The following LINGO2 variants were observed in gnomAD, a reference collection of about 807,000 sequenced individuals.
LINGO2 encodes leucine rich repeat and Ig domain containing 2.
LINGO2 carries 14 observed loss-of-function variants against 30.6 expected under a neutral mutation model. That is an observed-to-expected ratio of 0.46 (90% CI 0.30 to 0.72). The LOEUF (loss-of-function observed/expected upper bound fraction) is 0.72, where lower values mean the gene tolerates loss of function less well. Ranked by LOEUF, LINGO2 falls within the 30% of genes least tolerant of loss-of-function variation. LINGO2 has a pLI of 0.07. For missense variants in LINGO2, 729 were observed against 751.7 expected (o/e 0.97, Z 0.35); for synonymous variants, 317 against 288.5 (o/e 1.10, Z -1.00).
intron 4 of LINGO2, among the ~76,000 whole-genome samples, chr9:28,166,148 C>G (rs1828420308): frequency 6.6e-6 from 1 of 152,134 alleles, no homozygotes. Context: ...AAACACTATG[C>G]TAGGTACAGA....
At chr9:28,144,979 A>T (rs571077484) in intron 4 of LINGO2, among the ~76,000 whole-genome samples, 1 of 152,200 alleles carries the variant, frequency 6.6e-6, no homozygotes, top group Non-Finnish European at 1.5e-5. Flanking sequence ...AATACCCAGT[A>T]TTAAATCCTC....
intron 1 of LINGO2, among the ~76,000 whole-genome samples, chr9:28,617,115 T>C (rs1424347852): frequency 1.3e-5 from 2 of 152,142 alleles, no homozygotes; most frequent in Non-Finnish European, 1.5e-5. Context: ...CTATTAATTA[T>C]GAAAAATGGA....
the LINGO2 span, among the ~76,000 whole-genome samples, chr9:28,975,918 G>T: frequency 6.6e-6 from 1 of 152,172 alleles, no homozygotes; most frequent in Non-Finnish European, 1.5e-5. Context: ...TTAAGTAACT[G>T]TAAGTCTTCA....
chr9:28,830,925 C>G, the LINGO2 span, among the ~76,000 whole-genome samples: 1 of 152,316 alleles, frequency 6.6e-6, no homozygotes, highest in Admixed American at 6.5e-5. Flanking sequence ...GACACTCACA[C>G]TAACGTAATA....
intron 4 of LINGO2, among the ~76,000 whole-genome samples, chr9:28,195,200 A>G (rs1819966131): frequency 6.6e-6 from 1 of 152,000 alleles, no homozygotes; most frequent in Admixed American, 6.6e-5. Context: ...GTTGGAATGT[A>G]TAGGAACCAG....
chr9:28,983,318 C>CAAAA, the LINGO2 span, among the ~76,000 whole-genome samples: 1 of 130,978 alleles, frequency 7.6e-6, no homozygotes. Flanking sequence ...ATGAGGTATC[C>CAAAA]AAAAAAAAAA....
At chr9:28,714,196 TACACACACAC>T in the LINGO2 span, among the ~76,000 whole-genome samples, 1 of 135,854 alleles carries the variant, frequency 7.4e-6, no homozygotes, top group Non-Finnish European at 1.6e-5. Flanking sequence ...TATACACACA[TACACACACAC>T]ACATACGCAC....
chr9:28,909,060 T>C, the LINGO2 span, among the ~76,000 whole-genome samples: 1 of 151,936 alleles, frequency 6.6e-6, no homozygotes, highest in Non-Finnish European at 1.5e-5. Flanking sequence ...TGGGCCTGTT[T>C]AGATTATAAG....
At position 28,290,295 on chromosome 9, in the gene LINGO2, C is replaced by G. The variant is rs17836476; in HGVS notation, c.-87+4913G>C. On this transcript the variant is annotated intron_variant, in intron 4 of 5. Coordinates refer to ENST00000379992, the Ensembl canonical transcript of LINGO2. ...ATTGGTCTTACTGGATACTTGTTTTCAGGCAAATCAGTGGAGCACCTGAGG... is the reference window on the plus strand; with the variant it reads ...ATTGGTCTTACTGGATACTTGTTTTGAGGCAAATCAGTGGAGCACCTGAGG... Among the ~76,000 whole-genome samples, 2,459 of 152,210 alleles carry G rather than the reference C, an allele frequency of 0.016. 148 individuals are homozygous for G. The East Asian group carries it at 0.2, about 12-fold the overall frequency.
chr9:28,331,874 T>A (rs140953153), intron 3 of LINGO2, among the ~76,000 whole-genome samples: 4 of 152,272 alleles, frequency 2.6e-5, no homozygotes, highest in African/African-American at 9.6e-5. Flanking sequence ...CTTGCACATG[T>A]CACTAACCTG....
intron 1 of LINGO2, among the ~76,000 whole-genome samples, chr9:28,482,528 T>C (rs1826014115): frequency 6.6e-6 from 1 of 152,140 alleles, no homozygotes; most frequent in Non-Finnish European, 1.5e-5. Context: ...ATATTAGCCC[T>C]TTGTCAGATG....
chr9:28,034,771 G>A (rs1272610813), intron 4 of LINGO2, among the ~76,000 whole-genome samples: 2 of 152,190 alleles, frequency 1.3e-5, no homozygotes, highest in African/African-American at 4.8e-5. Flanking sequence ...TATGTGAAAT[G>A]TATTTAATAA....
At chr9:29,046,288 A>G in the LINGO2 span, among the ~76,000 whole-genome samples, 2 of 152,134 alleles carry the variant, frequency 1.3e-5, no homozygotes, top group African/African-American at 4.8e-5. Context: ...CAGCCTCAAT[A>G]TGCAAGGCAA....
the LINGO2 span, among the ~76,000 whole-genome samples, chr9:28,991,970 T>G: frequency 6.6e-6 from 1 of 151,990 alleles, no homozygotes; most frequent in Admixed American, 6.6e-5. Flanking sequence ...ACGAGCAAAA[T>G]AACCAGCTAA....
chr9:28,312,708 AT>A (rs1276466377), intron 3 of LINGO2, among the ~76,000 whole-genome samples: 2 of 152,148 alleles, frequency 1.3e-5, no homozygotes, highest in Non-Finnish European at 2.9e-5. Context: ...TTCTGAGAAA[AT>A]TTTAATAGTT....
At chr9:28,733,366 T>C in the LINGO2 span, among the ~76,000 whole-genome samples, 5 of 152,180 alleles carry the variant, frequency 3.3e-5, no homozygotes, top group Admixed American at 2.0e-4. Flanking sequence ...GTTTTTGATA[T>C]ATATTTTAGC....
intron 4 of LINGO2, among the ~76,000 whole-genome samples, chr9:28,071,507 A>G (rs1825475912): frequency 6.6e-6 from 1 of 151,826 alleles, no homozygotes; most frequent in Admixed American, 6.6e-5. Flanking sequence ...AGTCCTTACC[A>G]TTTTGTAAAG....
chr9:28,200,551 T>A (rs1238841557), intron 4 of LINGO2, among the ~76,000 whole-genome samples: 1 of 152,188 alleles, frequency 6.6e-6, no homozygotes, highest in Non-Finnish European at 1.5e-5. Context: ...TACTTCTAAA[T>A]TACTTCTGAA....
At chr9:28,340,496 T>C (rs921157903) in intron 3 of LINGO2, among the ~76,000 whole-genome samples, 20 of 152,216 alleles carry the variant, frequency 1.3e-4, no homozygotes, top group African/African-American at 4.8e-4. Flanking sequence ...CCAACATATA[T>C]CACACTAAAA....
Sources: allele counts gnomAD v4.1 joint callset (sites outside exome capture counted in the v4.1 genomes callset), GRCh38; gene constraint gnomAD v4.1.1; transcripts MANE v1.5; gene names NCBI Gene and HGNC (gene_info 2026-07-23, HGNC 2026-07-21).